SCHIP1: variants seen among roughly 807,000 people sequenced by gnomAD.
The protein encoded by SCHIP1 is schwannomin interacting protein 1.
SCHIP1 carries 8 observed loss-of-function variants against 29.7 expected under a neutral mutation model. The ratio of observed to expected loss-of-function variants is 0.27; its 90% CI spans 0.16 to 0.49. The LOEUF is 0.49. Among genes scored for constraint, SCHIP1 ranks in the 20% least tolerant of loss-of-function variants. The pLI, the probability that SCHIP1 is intolerant of heterozygous loss-of-function variation, is 0.99. For missense variants in SCHIP1, 193 were observed against 294.6 expected (o/e 0.66, Z 2.52); for synonymous variants, 76 against 94.9 (o/e 0.80, Z 1.16).
At chr3:159,503,973 T>G in the SCHIP1 span, among the ~76,000 whole-genome samples, 5 of 152,176 alleles carry the variant, frequency 3.3e-5, no homozygotes, top group Admixed American at 6.5e-5. Context: ...GAAAGGAAAT[T>G]AAGTTTGTGC....
At chr3:159,626,121 GATA>G in the SCHIP1 span, among the ~76,000 whole-genome samples, 1 of 113,954 alleles carries the variant, frequency 8.8e-6, no homozygotes, top group Non-Finnish European at 1.5e-5. Context: ...TAGATAGATA[GATA>G]GATAGATAGA....
At chr3:159,599,245 T>C in the SCHIP1 span, among the ~76,000 whole-genome samples, 5,748 of 152,270 alleles carry the variant, frequency 0.038, 266 homozygotes, top group East Asian at 0.17. Context: ...TTTCTGGTTG[T>C]TTTATATACT....
At chr3:159,312,132 T>A in the SCHIP1 span, among the ~76,000 whole-genome samples, 1 of 152,162 alleles carries the variant, frequency 6.6e-6, no homozygotes, top group East Asian at 1.9e-4. Flanking sequence ...ACATACAGTA[T>A]ATCACTTAGC....
At chr3:159,526,814 A>C in the SCHIP1 span, among the ~76,000 whole-genome samples, 1 of 152,206 alleles carries the variant, frequency 6.6e-6, no homozygotes, top group Non-Finnish European at 1.5e-5. Context: ...TGTGGAGAAA[A>C]GTGGACATTC....
At chr3:159,804,430 C>A in the SCHIP1 span, among the ~76,000 whole-genome samples, 10 of 152,296 alleles carry the variant, frequency 6.6e-5, no homozygotes, top group East Asian at 1.9e-3. Flanking sequence ...GGAAATGGAA[C>A]AAATTAATAA....
the SCHIP1 span, among the ~76,000 whole-genome samples, chr3:159,693,359 G>A: frequency 0.011 from 1,749 of 152,124 alleles, 16 homozygotes; most frequent in Admixed American, 0.021. Flanking sequence ...ATATATATAT[G>A]CAAAGAGAGT....
the SCHIP1 span, among the ~76,000 whole-genome samples, chr3:159,471,346 G>A: frequency 1.3e-3 from 193 of 152,036 alleles, no homozygotes; most frequent in African/African-American, 4.1e-3. Flanking sequence ...AGTAAAAAGC[G>A]GCCTAACCAA....
At chr3:159,412,045 GCTAA>G in the SCHIP1 span, among the ~76,000 whole-genome samples, 1 of 152,134 alleles carries the variant, frequency 6.6e-6, no homozygotes, top group African/African-American at 2.4e-5. Context: ...CAGGAATTGT[GCTAA>G]CTGCTTTGCA....
chr3:159,809,486 G>C, the SCHIP1 span, among the ~76,000 whole-genome samples: 1 of 151,894 alleles, frequency 6.6e-6, no homozygotes, highest in African/African-American at 2.4e-5. Context: ...TAATCCTTTG[G>C]GTATATACCC....
exon 7 of SCHIP1, chr3:159,897,091 T>C (rs1718123421): frequency 5.1e-6 from 1 of 197,396 alleles, no homozygotes; most frequent in Non-Finnish European, 1.0e-5. Flanking sequence ...GGAACAGTAT[T>C]TTCCCATTGA....
chr3:159,280,406 A>C, the SCHIP1 span, among the ~76,000 whole-genome samples: 1 of 152,064 alleles, frequency 6.6e-6, no homozygotes, highest in Non-Finnish European at 1.5e-5. Flanking sequence ...TTCCTAGAAC[A>C]CTTGGCCTTG....
At chr3:159,858,136 C>A (rs1320364192) in intron 1 of SCHIP1, among the ~76,000 whole-genome samples, 1 of 152,184 alleles carries the variant, frequency 6.6e-6, no homozygotes, top group Non-Finnish European at 1.5e-5. Flanking sequence ...GGTTTCCAGG[C>A]TTCTAAAATG....
At chr3:159,333,161 A>G in the SCHIP1 span, among the ~76,000 whole-genome samples, 3 of 152,248 alleles carry the variant, frequency 2.0e-5, no homozygotes, top group Non-Finnish European at 2.9e-5. Flanking sequence ...GTTGCATAAC[A>G]TAAAAGAAAA....
At chr3:159,501,020 G>C in the SCHIP1 span, among the ~76,000 whole-genome samples, 1 of 152,156 alleles carries the variant, frequency 6.6e-6, no homozygotes. Context: ...ACACTTGTGT[G>C]TAGACATATA....
chr3:159,708,867 C>G, the SCHIP1 span, among the ~76,000 whole-genome samples: 1 of 152,190 alleles, frequency 6.6e-6, no homozygotes, highest in African/African-American at 2.4e-5. Context: ...GTGCCCTAAT[C>G]ATGACAAGGA....
chr3:159,297,609 T>TA, the SCHIP1 span, among the ~76,000 whole-genome samples: 230 of 151,942 alleles, frequency 1.5e-3, 1 homozygote, highest in Middle Eastern at 6.8e-3. Context: ...AATGTTTTTT[T>TA]AAAAAAAAGA....
At chr3:159,421,741 T>C in the SCHIP1 span, among the ~76,000 whole-genome samples, 1 of 152,224 alleles carries the variant, frequency 6.6e-6, no homozygotes, top group African/African-American at 2.4e-5. Context: ...ATTGGGACTA[T>C]ATATTCTGGC....
the SCHIP1 span, among the ~76,000 whole-genome samples, chr3:159,556,807 T>C: frequency 6.8e-6 from 1 of 146,746 alleles, no homozygotes; most frequent in African/African-American, 2.5e-5. Context: ...TTAGGAGATA[T>C]ACCTAATGCT....
At chr3:159,423,907 A>C in the SCHIP1 span, among the ~76,000 whole-genome samples, 3 of 151,682 alleles carry the variant, frequency 2.0e-5, no homozygotes, top group Non-Finnish European at 4.4e-5. Context: ...TTCATGAAAA[A>C]CCGCTGTTCT....
Sources: allele counts gnomAD v4.1 joint callset (sites outside exome capture counted in the v4.1 genomes callset), GRCh38; gene constraint gnomAD v4.1.1; transcripts MANE v1.5; gene names NCBI Gene and HGNC (gene_info 2026-07-23, HGNC 2026-07-21).